Variants in CPS1 observed in about 807,000 individuals in gnomAD.
The protein encoded by CPS1 is carbamoyl-phosphate synthase 1, also known as carbamoyl-phosphate synthase [ammonia], mitochondrial.
In CPS1, 109 loss-of-function variants were observed where a neutral mutation model predicts 174.6. The ratio of observed to expected loss-of-function variants is 0.62; its 90% confidence interval spans 0.53 to 0.73. The LOEUF is 0.73. Ranked by LOEUF, CPS1 falls within the 30% of genes least tolerant of loss-of-function variation. The pLI is 0.00. For missense variants in CPS1, 1,689 were observed against 1,821.9 expected (o/e 0.93, Z 1.33); for synonymous variants, 637 against 632.0 (o/e 1.01, Z -0.12).
intron 34 of CPS1, chr2:210,673,251 TCA>T (rs1376115567): frequency 1.3e-5 from 2 of 152,240 alleles, no homozygotes; most frequent in Non-Finnish European, 2.9e-5. Flanking sequence ...ATACGCCAGC[TCA>T]GTTACTCAGA....
intron 1 of CPS1, among the ~76,000 whole-genome samples, chr2:210,561,448 G>A (rs1433155951): frequency 6.6e-6 from 1 of 152,160 alleles, no homozygotes; most frequent in Non-Finnish European, 1.5e-5. Context: ...ATCTAGAGGT[G>A]ACATTAGGTC....
chr2:210,614,820 T>C (rs796262761), intron 20 of CPS1, among the ~76,000 whole-genome samples: 19 of 144,132 alleles, frequency 1.3e-4, no homozygotes, highest in African/African-American at 4.5e-4. Flanking sequence ...CACTCATAAG[T>C]GGGAGTGGAA....
intron 17 of CPS1, among the ~76,000 whole-genome samples, chr2:210,606,297 A>T (rs554251961): frequency 6.6e-6 from 1 of 151,962 alleles, no homozygotes; most frequent in Non-Finnish European, 1.5e-5. Context: ...GCGTGTTTGA[A>T]GGCAGAAGGG....
intron 21 of CPS1, among the ~76,000 whole-genome samples, chr2:210,632,772 C>G (rs1699908371): frequency 6.6e-6 from 1 of 152,248 alleles, no homozygotes; most frequent in Admixed American, 6.5e-5. Flanking sequence ...CCAGAGAGAC[C>G]ATGAACAAAA....
At chr2:210,517,664 C>T (rs1695717889) in intron 1 of CPS1, among the ~76,000 whole-genome samples, 2 of 151,896 alleles carry the variant, frequency 1.3e-5, no homozygotes, top group Non-Finnish European at 2.9e-5. Context: ...AGAGTTTAGC[C>T]TTTTTTCTTC....
At chr2:210,487,992 A>G (rs753047960) in intron 1 of CPS1, among the ~76,000 whole-genome samples, 6 of 152,172 alleles carry the variant, frequency 3.9e-5, no homozygotes, top group Non-Finnish European at 7.3e-5. Context: ...GTTCTTTTAA[A>G]AAAAGGGCAT....
chr2:210,639,983 C>T lies in CPS1; in HGVS notation c.2896-13C>T. On this transcript the variant is annotated splice_polypyrimidine_tract_variant and intron_variant, in intron 23 of 37. Coordinates refer to ENST00000233072, the MANE Select transcript of CPS1 (RefSeq NM_001875.5). Reference sequence around the variant, plus strand: ...TTAATGATTTCTGCATCTTCCTTTTCTTATTTCCTCAGGAGCATGATGTCA... The same window carrying T: ...TTAATGATTTCTGCATCTTCCTTTTTTTATTTCCTCAGGAGCATGATGTCA... The T allele has an allele frequency of 6.3e-7, 1 of 1,598,902 alleles. No individual in the cohort carries two copies.
At chr2:210,604,128 C>T (rs1305218372) in intron 16 of CPS1, among the ~76,000 whole-genome samples, 1 of 151,804 alleles carries the variant, frequency 6.6e-6, no homozygotes, top group Admixed American at 6.6e-5. Flanking sequence ...TTTCTAACCA[C>T]TTTGAGAACC....
At chr2:210,501,825 C>A (rs756176165) in intron 1 of CPS1, among the ~76,000 whole-genome samples, 2 of 152,176 alleles carry the variant, frequency 1.3e-5, no homozygotes, top group Non-Finnish European at 2.9e-5. Flanking sequence ...CTTCTAAAGT[C>A]ATCTCCACAT....
chr2:210,659,738 ATAAAG>A (rs993510869), intron 31 of CPS1, among the ~76,000 whole-genome samples: 16 of 152,360 alleles, frequency 1.1e-4, no homozygotes, highest in African/African-American at 3.4e-4. Context: ...GTAGAAAACT[ATAAAG>A]TAGAGTATCA....
chr2:210,669,773 A>G (rs1275063727), intron 34 of CPS1, among the ~76,000 whole-genome samples: 1 of 152,154 alleles, frequency 6.6e-6, no homozygotes, highest in Non-Finnish European at 1.5e-5. Flanking sequence ...CCCAAGTAGG[A>G]GAATATTTGC....
intron 33 of CPS1, among the ~76,000 whole-genome samples, chr2:210,666,797 C>T (rs1449823570): frequency 1.3e-5 from 2 of 152,148 alleles, no homozygotes; most frequent in African/African-American, 4.8e-5. Context: ...TTAGGATTGA[C>T]TTGGCAATGC....
At chr2:210,491,049 T>A (rs180684626) in intron 1 of CPS1, among the ~76,000 whole-genome samples, 1 of 152,322 alleles carries the variant, frequency 6.6e-6, no homozygotes, top group Non-Finnish European at 1.5e-5. Context: ...CACTTTATAA[T>A]GCTTCCAGGA....
intron 21 of CPS1, among the ~76,000 whole-genome samples, chr2:210,620,671 C>T (rs533891486): frequency 1.3e-5 from 2 of 151,998 alleles, no homozygotes; most frequent in African/African-American, 2.4e-5. Context: ...GAGAGGGAGT[C>T]GGTGGGGGAG....
rs534605443 is a variant in CPS1, at chr2:210,637,076, T to A, written c.2688-626T>A. 3.9e-5 allele frequency among the ~76,000 whole-genome samples: 6 copies of A among 152,208 alleles called. 1 individual carries two copies. The East Asian group carries it at 1.2e-3, about 29-fold the overall frequency. On this transcript the variant is annotated intron_variant, in intron 21 of 37. Transcript: ENST00000233072. ...TATGCATAAAGACCTGGAGCACAGG[T>A]CAGATGTTGGAGAACCGGCCATGGA...
chr2:210,616,676 CG>C (rs1176728766), intron 21 of CPS1, 135 bp downstream of exon 21: 2 of 705,060 alleles, frequency 2.8e-6, no homozygotes, highest in Admixed American at 4.3e-5. Context: ...AAATAGTACC[CG>C]TAGCCAGAAG....
At position 210,576,435 on chromosome 2, in the gene CPS1, C is replaced by G. The variant is rs1697715497; in HGVS notation, c.326C>G (p.Thr109Ser). The G allele has an allele frequency of 6.2e-7, 1 of 1,613,680 alleles. No homozygotes were observed. The highest frequency in any genetic ancestry group is 8.5e-7 in the Non-Finnish European group (1 of 1,179,696). Residue 109 changes from threonine (T) to serine (S), a missense_variant, in exon 3 of 38, where the codon ACT (threonine) becomes AGT (serine). Coordinates refer to ENST00000233072, the MANE Select transcript of CPS1 (RefSeq NM_001875.5). ...ATTGGGAATGGTGGAGCTCCTGATA[C>G]TACTGCTCTGGATGAACTGGGACTT... ...PIIGNGGAPD[T>S]TALDELGLSK...
chr2:210,669,059 T>C (rs565973218), intron 34 of CPS1, among the ~76,000 whole-genome samples: 27 of 152,154 alleles, frequency 1.8e-4, no homozygotes, highest in Non-Finnish European at 3.5e-4. Flanking sequence ...TAGTATACTG[T>C]AGAAGTTCTT....
At chr2:210,547,204 A>G (rs1696587216) in intron 1 of CPS1, among the ~76,000 whole-genome samples, 1 of 152,118 alleles carries the variant, frequency 6.6e-6, no homozygotes. Flanking sequence ...TTGCTATTTT[A>G]TTTTTTTGGT....
Sources: allele counts gnomAD v4.1 joint callset (sites outside exome capture counted in the v4.1 genomes callset), GRCh38; gene constraint gnomAD v4.1.1; transcripts MANE v1.5; gene names NCBI Gene and HGNC (gene_info 2026-07-23, HGNC 2026-07-21).